MACROD2: variants seen among roughly 807,000 people sequenced by gnomAD.
The protein encoded by MACROD2 is ADP-ribose glycohydrolase MACROD2.
Under a neutral mutation model 70.4 loss-of-function variants are expected in MACROD2, and 36 were observed. That is an observed-to-expected ratio of 0.51 (90% CI 0.39 to 0.68). The LOEUF is 0.68. MACROD2 is among the 30% of genes least tolerant of loss of function. The probability of loss-of-function intolerance (pLI) is 0.00; values close to 1 mark genes in which losing one functional copy is unlikely to be tolerated. For missense variants in MACROD2, 496 were observed against 538.4 expected (o/e 0.92, Z 0.78); for synonymous variants, 172 against 178.8 (o/e 0.96, Z 0.30).
Position 15,036,706 on chromosome 20 carries a change from A to C in MACROD2, c.419-193234A>C, listed in dbSNP as rs145275575. On this transcript the variant is annotated intron_variant, in intron 5 of 17. Coordinates refer to ENST00000684519, the MANE Select transcript of MACROD2 (RefSeq NM_001351661.2). Reference sequence around the variant, plus strand: ...TTTAACTGCACAAAAACTCACCATCATCTTTCTATACCCAAAGTTGTGTCT... The same window carrying C: ...TTTAACTGCACAAAAACTCACCATCCTCTTTCTATACCCAAAGTTGTGTCT... 1.2e-4 allele frequency among the ~76,000 whole-genome samples: 19 copies of C among 152,208 alleles called. No homozygotes were observed. The East Asian group carries it at 3.7e-3, about 29-fold the overall frequency.
chr20:14,422,375 C>T (rs188240688), intron 3 of MACROD2, among the ~76,000 whole-genome samples: 338 of 152,220 alleles, frequency 2.2e-3, no homozygotes, highest in Non-Finnish European at 4.4e-3. Flanking sequence ...TTGCTAATTT[C>T]TGTGCTTTGG....
chr20:15,579,192 G>C (rs76967333), intron 8 of MACROD2, among the ~76,000 whole-genome samples: 2 of 152,116 alleles, frequency 1.3e-5, no homozygotes, highest in Non-Finnish European at 2.9e-5. Flanking sequence ...CATCTTGCCT[G>C]TCTAGAGCAG....
chr20:14,531,931 T>C (rs1473689776), intron 4 of MACROD2, among the ~76,000 whole-genome samples: 2 of 152,186 alleles, frequency 1.3e-5, no homozygotes, highest in Admixed American at 6.5e-5. Context: ...TTATAAAAGC[T>C]GTGCTTCCAT....
intron 3 of MACROD2, among the ~76,000 whole-genome samples, chr20:14,443,699 G>C (rs527666107): frequency 2.0e-5 from 3 of 152,134 alleles, no homozygotes; most frequent in African/African-American, 7.2e-5. Context: ...ATTAGTGAGT[G>C]TATCAGTAGT....
At chr20:15,394,550 G>A (rs908977525) in intron 6 of MACROD2, among the ~76,000 whole-genome samples, 1 of 152,172 alleles carries the variant, frequency 6.6e-6, no homozygotes, top group East Asian at 1.9e-4. Flanking sequence ...GCAGATGACA[G>A]GGCCAAATAA....
chr20:14,851,859 C>G (rs2073202662), intron 5 of MACROD2, among the ~76,000 whole-genome samples: 1 of 152,158 alleles, frequency 6.6e-6, no homozygotes, highest in South Asian at 2.1e-4. Context: ...AAAGCCAGGA[C>G]TTGAGCCCAC....
intron 5 of MACROD2, among the ~76,000 whole-genome samples, chr20:14,976,120 A>C (rs2423889): frequency 1.3e-5 from 2 of 152,080 alleles, no homozygotes; most frequent in Non-Finnish European, 2.9e-5. Flanking sequence ...CTTTCAAAGG[A>C]TTGTTGTGCA....
chr20:15,488,535 A>C (rs555555728), intron 7 of MACROD2, among the ~76,000 whole-genome samples: 1 of 152,336 alleles, frequency 6.6e-6, no homozygotes, highest in Admixed American at 6.5e-5. Context: ...AGACCCCTGC[A>C]ATCCAAGGTG....
At chr20:14,574,305 T>G (rs1267588176) in intron 4 of MACROD2, among the ~76,000 whole-genome samples, 1 of 152,208 alleles carries the variant, frequency 6.6e-6, no homozygotes, top group African/African-American at 2.4e-5. Flanking sequence ...TTCAGAGTGT[T>G]ACCCAGTCTT....
At chr20:14,813,610 A>G (rs1406620607) in intron 5 of MACROD2, among the ~76,000 whole-genome samples, 3 of 152,074 alleles carry the variant, frequency 2.0e-5, no homozygotes, top group South Asian at 2.1e-4. Context: ...TTTAAAGGAT[A>G]CAAATAAGGA....
At chr20:14,953,473 A>AT (rs1189312859) in intron 5 of MACROD2, among the ~76,000 whole-genome samples, 5 of 151,844 alleles carry the variant, frequency 3.3e-5, no homozygotes, top group African/African-American at 9.7e-5. Flanking sequence ...CGCCCAGCTA[A>AT]TTTTTTGTAT....
chr20:14,511,103 G>C (rs1397037925), intron 4 of MACROD2, among the ~76,000 whole-genome samples: 1 of 152,076 alleles, frequency 6.6e-6, no homozygotes, highest in African/African-American at 2.4e-5. Flanking sequence ...GGTCTTAGCT[G>C]TTTGTTAGTG....
intron 5 of MACROD2, among the ~76,000 whole-genome samples, chr20:14,692,875 A>C (rs917296297): frequency 1.3e-5 from 2 of 152,204 alleles, no homozygotes; most frequent in African/African-American, 4.8e-5. Flanking sequence ...GTCCACCCCC[A>C]AATGGCTTTG....
At chr20:15,498,354 T>C (rs1318824444) in intron 7 of MACROD2, among the ~76,000 whole-genome samples, 1 of 152,206 alleles carries the variant, frequency 6.6e-6, no homozygotes, top group Non-Finnish European at 1.5e-5. Flanking sequence ...CCAATAAAAC[T>C]GGGTCTTTTA....
intron 4 of MACROD2, among the ~76,000 whole-genome samples, chr20:14,641,464 C>T (rs1004333591): frequency 6.6e-6 from 1 of 152,132 alleles, no homozygotes. Flanking sequence ...AAATCCTTTC[C>T]AGAAGGTTTT....
intron 4 of MACROD2, among the ~76,000 whole-genome samples, chr20:14,671,984 G>A (rs933048136): frequency 6.6e-6 from 1 of 152,110 alleles, no homozygotes; most frequent in Admixed American, 6.6e-5. Context: ...CCTCCCCAAG[G>A]GGTTAGGACA....
chr20:14,035,870 C>T (rs867628181), intron 2 of MACROD2, among the ~76,000 whole-genome samples: 23 of 152,336 alleles, frequency 1.5e-4, no homozygotes, highest in Middle Eastern at 3.4e-3. Context: ...CGGCTGGGCG[C>T]GGTGGCTGAC....
At chr20:16,011,833 C>T (rs2066867392) in intron 15 of MACROD2, among the ~76,000 whole-genome samples, 1 of 152,174 alleles carries the variant, frequency 6.6e-6, no homozygotes, top group South Asian at 2.1e-4. Context: ...GAGGGTGATT[C>T]GTCTTGCACT....
chr20:15,696,682 T>TTTG (rs200535020), intron 8 of MACROD2, among the ~76,000 whole-genome samples: 43 of 121,722 alleles, frequency 3.5e-4, no homozygotes, highest in South Asian at 7.1e-4. Context: ...CCTGGAGTTT[T>TTTG]TTTTTTTTTT....
Sources: gnomAD v4.1 joint callset for allele counts (sites outside exome capture counted in the v4.1 genomes callset) on GRCh38, gnomAD v4.1.1 for gene constraint, MANE v1.5 for transcripts, NCBI Gene and HGNC (gene_info 2026-07-23, HGNC 2026-07-21) for gene names.